Variants in LIMD1 observed in about 807,000 individuals in gnomAD.
The protein encoded by LIMD1 is LIM domain-containing protein 1.
Under a neutral mutation model 58.4 loss-of-function variants are expected in LIMD1, and 23 were observed. The observed-to-expected ratio is 0.39, with a 90% CI of 0.28 to 0.56. The LOEUF is 0.56. Among genes scored for constraint, LIMD1 ranks in the 20% least tolerant of loss-of-function variants. The probability of loss-of-function intolerance (pLI) is 0.57; values close to 1 mark genes in which losing one functional copy is unlikely to be tolerated. For missense variants in LIMD1, 838 were observed against 855.5 expected (o/e 0.98, Z 0.25); for synonymous variants, 334 against 345.5 (o/e 0.97, Z 0.37).
chr3:45,608,182 T>G (rs1405285054), intron 1 of LIMD1, among the ~76,000 whole-genome samples: 3 of 152,238 alleles, frequency 2.0e-5, no homozygotes, highest in Non-Finnish European at 4.4e-5. Context: ...TTGACTTTTC[T>G]GCTTCACTTT....
At chr3:45,661,100 A>G (rs1697431311) in intron 2 of LIMD1, among the ~76,000 whole-genome samples, 1 of 152,280 alleles carries the variant, frequency 6.6e-6, no homozygotes, top group South Asian at 2.1e-4. Flanking sequence ...AGACCTAAAG[A>G]GTTGTGGCCT....
chr3:45,676,911 C>T lies in LIMD1; in HGVS notation c.1894-11C>T. ...GTTTTGCTTCCCCTGGACATGTCTG[C>T]CTCCCCACAGGACTGTGGTCTGGAG... On this transcript the variant is annotated splice_polypyrimidine_tract_variant and intron_variant, in intron 7 of 7. Transcript: ENST00000273317. The T allele has an allele frequency of 6.2e-7, 1 of 1,613,846 alleles. No individual in the cohort carries two copies. Among genetic ancestry groups the T allele is most frequent in the Non-Finnish European group, 8.5e-7 (1 of 1,179,780 alleles).
rs1034765881 is a variant in LIMD1, at chr3:45,674,269, C to T, written c.1825-74C>T. 34 of 1,171,270 alleles carry T rather than the reference C, an allele frequency of 2.9e-5. 1 individual carries two copies. The highest frequency in any genetic ancestry group is 2.5e-4 in the South Asian group (20 of 79,418). The allele number at this position is 1,171,270 out of a possible 1,614,324, so 72.6% of individuals were successfully genotyped here. A position where few individuals can be genotyped will look rare whatever the true frequency, so the allele number is the denominator to read the frequency against. ...CCCCCAAAACCCTCTTCCCTCCCCA[C>T]CCCACGGTACATCAAGCCCGACAGC... On this transcript the variant is annotated intron_variant, in intron 6 of 7. Coordinates refer to ENST00000273317, the MANE Select transcript of LIMD1 (RefSeq NM_014240.3).
chr3:45,613,994 C>T (rs1393560746), intron 1 of LIMD1, among the ~76,000 whole-genome samples: 2 of 152,072 alleles, frequency 1.3e-5, no homozygotes, highest in African/African-American at 2.4e-5. Flanking sequence ...TTTAGAATTT[C>T]TTGGGGGCCC....
Position 45,680,611 on chromosome 3 carries a change from T to G in LIMD1, c.*3552T>G, listed in dbSNP as rs1211085118. 6.6e-6 allele frequency: 1 copy of G among 150,850 alleles called. No individual in the cohort carries two copies. The highest frequency in any genetic ancestry group is 1.5e-5 in the Non-Finnish European group (1 of 67,592). 9.3% of individuals were successfully genotyped at this position (150,850 alleles called of 1,614,324 possible). On this transcript the variant is annotated 3_prime_UTR_variant, in exon 8 of 8. Coordinates refer to ENST00000273317, the MANE Select transcript of LIMD1 (RefSeq NM_014240.3). ...GATTATGGCCATTAGCCACTGTACCTGGCACAATTTTTTTTTGTACCCTCC... is the reference window on the plus strand; with the variant it reads ...GATTATGGCCATTAGCCACTGTACCGGGCACAATTTTTTTTTGTACCCTCC...
At position 45,622,635 on chromosome 3, in the gene LIMD1, A is replaced by G. The variant is rs375946446; in HGVS notation, c.1409-13515A>G. Among the ~76,000 whole-genome samples, 7 of 151,266 alleles carry G rather than the reference A, an allele frequency of 4.6e-5. No individual in the cohort carries two copies. The East Asian group carries it at 5.8e-4, about 13-fold the overall frequency. ...GACTGAGGAAAGGGGAGACTGCTGT[A>G]TGGGGTCAAATAGTGTGAACTTTTT... On this transcript the variant is annotated intron_variant, in intron 1 of 7. Coordinates refer to ENST00000273317, the MANE Select transcript of LIMD1 (RefSeq NM_014240.3).
chr3:45,605,433 C>T (rs1188016520), intron 1 of LIMD1, among the ~76,000 whole-genome samples: 1 of 152,224 alleles, frequency 6.6e-6, no homozygotes, highest in African/African-American at 2.4e-5. Flanking sequence ...AAAGAAGAAA[C>T]ATGAATCACT....
intron 1 of LIMD1, among the ~76,000 whole-genome samples, chr3:45,635,718 C>G (rs1335275932): frequency 1.3e-5 from 1 of 78,058 alleles, no homozygotes; most frequent in Non-Finnish European, 2.2e-5. Context: ...GGCAACATAT[C>G]AAGATCCCCG....
At position 45,603,650 on chromosome 3, in the gene LIMD1, G is replaced by A. The variant is rs547012503; in HGVS notation, c.1408+7363G>A. On this transcript the variant is annotated intron_variant, in intron 1 of 7. Coordinates refer to ENST00000273317, the MANE Select transcript of LIMD1 (RefSeq NM_014240.3). ...GGATATGGGGATGCCCAATCCTTTA[G>A]ACATCGGGCAGTCTCTGTGCATTCT... 4.6e-5 allele frequency among the ~76,000 whole-genome samples: 7 copies of A among 152,306 alleles called. No individual in the cohort carries two copies. In the East Asian group the frequency reaches 1.3e-3, roughly 29 times the overall value.
intron 1 of LIMD1, among the ~76,000 whole-genome samples, chr3:45,601,458 G>A (rs1269627040): frequency 6.6e-6 from 1 of 152,186 alleles, no homozygotes; most frequent in Non-Finnish European, 1.5e-5. Context: ...CACCCCAGCA[G>A]CTGTGCCCTC....
intron 2 of LIMD1, among the ~76,000 whole-genome samples, chr3:45,650,330 A>G (rs1439229620): frequency 6.6e-6 from 1 of 151,874 alleles, no homozygotes; most frequent in Non-Finnish European, 1.5e-5. Flanking sequence ...TTTGTTATTT[A>G]TTTATGTATC....
At chr3:45,653,054 T>C (rs1371490087) in intron 2 of LIMD1, among the ~76,000 whole-genome samples, 1 of 152,200 alleles carries the variant, frequency 6.6e-6, no homozygotes, top group Non-Finnish European at 1.5e-5. Context: ...CAGAGTGGCT[T>C]TGTGTCAGTT....
Position 45,595,820 on chromosome 3 carries a change from C to T in LIMD1, c.941C>T (p.Ser314Leu), listed in dbSNP as rs1701341510. The T allele has an allele frequency of 1.2e-6, 2 of 1,614,082 alleles. No individual in the cohort carries two copies. Among genetic ancestry groups the T allele is most frequent in the Non-Finnish European group, 1.7e-6 (2 of 1,180,028 alleles). Residue 314 changes from serine to leucine, a missense_variant, in exon 1 of 8, where the codon TCA (serine) becomes TTA (leucine). Ser to Leu is a moderately radical substitution (Grantham distance 145, BLOSUM62 -2). This residue lies in a region of LIMD1 where 659 missense variants were observed against 639.8 expected (regional missense o/e 1.03). Coordinates refer to ENST00000273317, the MANE Select transcript of LIMD1 (RefSeq NM_014240.3). ...CCCAGGCAAGGAGGTCTTCCAAGAT[C>T]AAACTCGGGGCTGGGGGGTGAGGTT... ...SCPRQGGLPR[S>L]NSGLGGEVSG...
In LIMD1 at chr3:45,686,127, C is replaced by T. The variant is rs1697805220; in HGVS notation, c.*9068C>T. The T allele has an allele frequency of 6.6e-6, 1 of 152,140 alleles. No homozygotes were observed. Among genetic ancestry groups the T allele is most frequent in the Non-Finnish European group, 1.5e-5 (1 of 68,026 alleles). The allele number at this position is 152,140 out of a possible 1,614,324, so 9.4% of individuals were successfully genotyped here. On this transcript the variant is annotated 3_prime_UTR_variant, in exon 8 of 8. Coordinates refer to ENST00000273317, the MANE Select transcript of LIMD1 (RefSeq NM_014240.3). The stretch of plus-strand genomic sequence containing the variant: ...ATCACCTTGTAATAGTCTTAAAGCC[C>T]CTGCACCTGGAACTGTTTACTTTCC...
At chr3:45,601,280 G>A (rs895858862) in intron 1 of LIMD1, among the ~76,000 whole-genome samples, 1 of 152,180 alleles carries the variant, frequency 6.6e-6, no homozygotes, top group Admixed American at 6.5e-5. Flanking sequence ...AGCTGGAAAA[G>A]TCCTTTAGGG....
At chr3:45,609,284 G>T (rs1701500317) in intron 1 of LIMD1, among the ~76,000 whole-genome samples, 1 of 152,234 alleles carries the variant, frequency 6.6e-6, no homozygotes, top group South Asian at 2.1e-4. Flanking sequence ...GAGAATCCCT[G>T]TCCCTTGTGG....
intron 1 of LIMD1, among the ~76,000 whole-genome samples, chr3:45,625,558 C>G (rs1387413577): frequency 3.3e-5 from 5 of 152,064 alleles, no homozygotes; most frequent in Non-Finnish European, 5.9e-5. Context: ...ATATGCCCCC[C>G]ACAGTTCAAG....
chr3:45,656,892 G>C (rs1697334431), intron 2 of LIMD1, among the ~76,000 whole-genome samples: 1 of 152,180 alleles, frequency 6.6e-6, no homozygotes, highest in Admixed American at 6.5e-5. Context: ...CAGGCCTCCA[G>C]GGCTGGCTGG....
chr3:45,677,717 T>C lies in LIMD1; in HGVS notation c.*658T>C, dbSNP rs2247771. 0.27 allele frequency: 40,987 copies of C among 152,248 alleles called. 6,855 individuals are homozygous for C. The highest frequency in any genetic ancestry group is 0.41 in the Middle Eastern group (121 of 294). 9.4% of individuals were successfully genotyped at this position (152,248 alleles called of 1,614,324 possible). On this transcript the variant is annotated 3_prime_UTR_variant, in exon 8 of 8. Transcript: ENST00000273317. ...CTCCTTAGACACTGACAGCATTCTCTGTACCCCTTCAAATCCTTACTCTCC... is the reference window on the plus strand; with the variant it reads ...CTCCTTAGACACTGACAGCATTCTCCGTACCCCTTCAAATCCTTACTCTCC...
Sources: gnomAD v4.1 joint callset for allele counts (sites outside exome capture counted in the v4.1 genomes callset) on GRCh38, gnomAD v4.1.1 for gene constraint, gnomAD v4.1.1 regional missense constraint, MANE v1.5 for transcripts, NCBI Gene and HGNC (gene_info 2026-07-23, HGNC 2026-07-21) for gene names.